The following KRABD2 variants were observed in gnomAD, a reference collection of about 807,000 sequenced individuals.
The protein encoded by KRABD2 is KRAB domain containing 2.
chr17:8,374,588 C>T, the KRABD2 span, among the ~76,000 whole-genome samples: 1 of 146,908 alleles, frequency 6.8e-6, no homozygotes, highest in African/African-American at 2.6e-5. Context: ...CGTGCCAAAT[C>T]CCCCTCTCTG....
At chr17:8,370,634 A>G in the KRABD2 span, among the ~76,000 whole-genome samples, 1 of 152,234 alleles carries the variant, frequency 6.6e-6, no homozygotes, top group Non-Finnish European at 1.5e-5. Context: ...CTTTAGGCAA[A>G]CAGCAAAAAC....
chr17:8,371,625 T>G, the KRABD2 span: 3 of 1,438,886 alleles, frequency 2.1e-6, no homozygotes. Context: ...TACAGCTTCA[T>G]GGATGAGGGA....
the KRABD2 span, among the ~76,000 whole-genome samples, chr17:8,374,937 CAAA>C: frequency 4.3e-4 from 20 of 46,180 alleles, no homozygotes; most frequent in South Asian, 2.3e-3. Context: ...GACTCTGTCA[CAAA>C]AAAAAAAAAA....
chr17:8,369,801 T>G, the KRABD2 span: 4 of 1,614,140 alleles, frequency 2.5e-6, no homozygotes, highest in Non-Finnish European at 3.4e-6. Context: ...GGCACTGGAC[T>G]GCATGTCAAG....
At chr17:8,363,398 C>CT in the KRABD2 span, among the ~76,000 whole-genome samples, 1 of 152,138 alleles carries the variant, frequency 6.6e-6, no homozygotes, top group Admixed American at 6.5e-5. Flanking sequence ...GTTACCGAGG[C>CT]TAGAGTGCAG....
the KRABD2 span, among the ~76,000 whole-genome samples, chr17:8,370,797 G>A: frequency 8.5e-5 from 13 of 152,304 alleles, no homozygotes; most frequent in African/African-American, 2.9e-4. Context: ...GTTGCTAAAA[G>A]GTACCACATA....
the KRABD2 span, among the ~76,000 whole-genome samples, chr17:8,362,161 G>A: frequency 6.6e-6 from 1 of 151,982 alleles, no homozygotes; most frequent in East Asian, 1.9e-4. The surrounding 1 kb of genome is among the most constrained non-coding windows in gnomAD (Gnocchi z 4.2). Context: ...GTGAAACCCC[G>A]TCTCTACTAA....
chr17:8,372,511 C>G, the KRABD2 span, among the ~76,000 whole-genome samples: 1 of 152,136 alleles, frequency 6.6e-6, no homozygotes, highest in Non-Finnish European at 1.5e-5. This position sits in a 1 kb window ranked among gnomAD's most constrained non-coding sequence, Gnocchi z 4.1. Context: ...GGCTGGTCCT[C>G]GAACTTCTAG....
chr17:8,373,299 C>A, the KRABD2 span, among the ~76,000 whole-genome samples: 1 of 152,228 alleles, frequency 6.6e-6, no homozygotes, highest in African/African-American at 2.4e-5. Context: ...CTCAGCCTGC[C>A]GAGTGCCTGG....
the KRABD2 span, among the ~76,000 whole-genome samples, chr17:8,363,814 A>AAATATATAT: frequency 9.0e-6 from 1 of 110,582 alleles, no homozygotes; most frequent in Non-Finnish European, 1.7e-5. Context: ...TATATATCAT[A>AAATATATAT]CATATATATA....
the KRABD2 span, chr17:8,370,499 A>G: frequency 5.6e-6 from 4 of 720,594 alleles, no homozygotes; most frequent in East Asian, 2.8e-5. Flanking sequence ...AGATGATTAT[A>G]TGGAAGAATG....
At chr17:8,376,604 G>GA in the KRABD2 span, 178 of 985,900 alleles carry the variant, frequency 1.8e-4, no homozygotes, top group Non-Finnish European at 2.1e-4. Context: ...GCGCGGTGGA[G>GA]AAAAGAGCTG....
chr17:8,361,031 C>A, the KRABD2 span, among the ~76,000 whole-genome samples: 5 of 152,256 alleles, frequency 3.3e-5, no homozygotes, highest in East Asian at 1.9e-4. Flanking sequence ...CTCAAAAAAA[C>A]CACTGGTAAT....
At chr17:8,369,445 A>G in the KRABD2 span, 2 of 1,614,054 alleles carry the variant, frequency 1.2e-6, no homozygotes, top group African/African-American at 2.7e-5. Flanking sequence ...ATCTGCATGA[A>G]TCGGAGGCCT....
chr17:8,374,128 C>T, the KRABD2 span, among the ~76,000 whole-genome samples: 1 of 152,236 alleles, frequency 6.6e-6, no homozygotes, highest in Non-Finnish European at 1.5e-5. Context: ...GGGAGGTGTA[C>T]CCAACAGCTC....
At chr17:8,369,159 C>T in the KRABD2 span, 1 of 1,613,662 alleles carries the variant, frequency 6.2e-7, no homozygotes, top group South Asian at 1.1e-5. Context: ...ACCGGAAGTC[C>T]CTTGTGAGGT....
the KRABD2 span, among the ~76,000 whole-genome samples, chr17:8,362,968 G>A: frequency 6.6e-6 from 1 of 152,190 alleles, no homozygotes; most frequent in Non-Finnish European, 1.5e-5. This position sits in a 1 kb window ranked among gnomAD's most constrained non-coding sequence, Gnocchi z 4.2. Context: ...GTTCAAGGAG[G>A]GGTGATAAAA....
the KRABD2 span, among the ~76,000 whole-genome samples, chr17:8,368,096 GA>G: frequency 4.8e-5 from 7 of 146,792 alleles, no homozygotes; most frequent in South Asian, 2.2e-4. Flanking sequence ...CTAAAAAAAT[GA>G]AAAAAAAAAT....
chr17:8,375,921 GT>G, the KRABD2 span: 1 of 1,229,478 alleles, frequency 8.1e-7, no homozygotes, highest in South Asian at 4.2e-5. Flanking sequence ...CGCCTTGGCT[GT>G]TTCCGACTCG....
Sources: allele counts gnomAD v4.1 joint callset (sites outside exome capture counted in the v4.1 genomes callset), GRCh38; gene constraint gnomAD v4.1.1; non-coding constraint Gnocchi (gnomAD v3.1); transcripts MANE v1.5; gene names NCBI Gene and HGNC (gene_info 2026-07-23, HGNC 2026-07-21).